The following ILDR1 variants were observed in gnomAD, a reference collection of about 807,000 sequenced individuals.
The protein encoded by ILDR1 is immunoglobulin like domain containing receptor 1, also known as immunoglobulin-like domain-containing receptor 1.
A neutral mutation model predicts 62.4 loss-of-function variants in ILDR1; 56 were observed. That is an observed-to-expected ratio of 0.90 (90% CI 0.72 to 1.12). The LOEUF (loss-of-function observed/expected upper bound fraction) is 1.12, where lower values mean the gene tolerates loss of function less well. ILDR1 is among the 50% of genes most tolerant of loss of function. The pLI is 0.00. For missense variants in ILDR1, 736 were observed against 710.6 expected (o/e 1.04, Z -0.41); for synonymous variants, 284 against 277.8 (o/e 1.02, Z -0.22).
chr3:122,033,635 G>A, the ILDR1 span, among the ~76,000 whole-genome samples: 1 of 151,754 alleles, frequency 6.6e-6, no homozygotes, highest in Non-Finnish European at 1.5e-5. Context: ...TGCCTCTTAC[G>A]TTTAGATCTA....
upstream of ILDR1, among the ~76,000 whole-genome samples, chr3:122,024,035 C>T (rs149686791): frequency 6.6e-6 from 1 of 151,890 alleles, no homozygotes; most frequent in Non-Finnish European, 1.5e-5. Flanking sequence ...ACCCCTCAGC[C>T]CCCGCTTTGG....
rs550958892 is a variant in ILDR1, at chr3:122,008,624, C to T, written c.59-1463G>A. 5.1e-5 allele frequency among the ~76,000 whole-genome samples: 7 copies of T among 136,562 alleles called. No individual in the cohort carries two copies. The East Asian group carries it at 8.5e-4, about 17-fold the overall frequency. 89.6% of individuals were successfully genotyped at this position (136,562 alleles called of 152,430 possible). On this transcript the variant is annotated intron_variant, in intron 1 of 7. Transcript: ENST00000344209. ...TTTTTTTTTTTTTGAGATAGAGTCT[C>T]GCTCTGTCACTCAGGCTGGAGTGCA...
At chr3:121,990,866 T>C (rs954641002) in intron 7 of ILDR1, among the ~76,000 whole-genome samples, 20 of 152,212 alleles carry the variant, frequency 1.3e-4, no homozygotes, top group African/African-American at 4.8e-4. Context: ...AGCATGCTAC[T>C]CAACCTCTCA....
chr3:122,029,605 G>A, the ILDR1 span, among the ~76,000 whole-genome samples: 1 of 151,174 alleles, frequency 6.6e-6, no homozygotes, highest in Non-Finnish European at 1.5e-5. Context: ...AGATGGATTA[G>A]CGGGTGCTTT....
intron 1 of ILDR1, 125 bp downstream of exon 1, chr3:122,021,895 C>A (rs1332980970): frequency 4.6e-6 from 4 of 875,592 alleles, no homozygotes; most frequent in African/African-American, 1.7e-5. Context: ...GGCGCCCATG[C>A]CAAGCGCCAC....
the ILDR1 span, among the ~76,000 whole-genome samples, chr3:122,028,054 G>T: frequency 7.0e-4 from 106 of 152,102 alleles, 1 homozygote; most frequent in Non-Finnish European, 1.1e-3. Flanking sequence ...CTGGCCGGGC[G>T]CGGTGGCTCA....
At chr3:122,044,664 G>A in the ILDR1 span, among the ~76,000 whole-genome samples, 1 of 151,218 alleles carries the variant, frequency 6.6e-6, no homozygotes, top group Non-Finnish European at 1.5e-5. Context: ...ATGTGTTGAG[G>A]AATTTATCCA....
At chr3:122,010,336 T>G (rs914901498) in intron 1 of ILDR1, among the ~76,000 whole-genome samples, 1 of 152,168 alleles carries the variant, frequency 6.6e-6, no homozygotes, top group East Asian at 1.9e-4. Context: ...TGAAGTCTTT[T>G]CTGAAGAACA....
chr3:122,003,109 T>TC (rs2071552721), intron 3 of ILDR1, among the ~76,000 whole-genome samples: 1 of 152,198 alleles, frequency 6.6e-6, no homozygotes, highest in African/African-American at 2.4e-5. Flanking sequence ...GTCAAAGGCA[T>TC]CAGGGCAGCC....
At position 121,993,596 on chromosome 3, in the gene ILDR1, GC is replaced by G. The variant is rs760136285; in HGVS notation, c.1152del (p.Pro385GlnfsTer24). On this transcript the variant is annotated frameshift_variant, in exon 7 of 8. Coordinates refer to ENST00000344209, the MANE Select transcript of ILDR1 (RefSeq NM_001199799.2). LOFTEE classifies it high-confidence loss of function. ...PDFHQELQDR[G>X]PKSWALERRE... is the part of the protein sequence containing the mutation. ...CTTCTTTCCAATGCCCAAGACTTTG[GC>G]CCCCGGTCCTGGAGCTCCTGGTGGA... is the stretch of plus-strand genomic sequence containing the variant. The G allele has an allele frequency of 1.9e-6, 3 of 1,614,078 alleles. No individual in the cohort carries two copies. Among genetic ancestry groups the G allele is most frequent in the South Asian group, 2.2e-5 (2 of 91,086 alleles).
At chr3:122,057,091 C>G in the ILDR1 span, among the ~76,000 whole-genome samples, 12 of 152,112 alleles carry the variant, frequency 7.9e-5, no homozygotes, top group Non-Finnish European at 1.5e-5. Context: ...TTTTAAAAAG[C>G]AAGCAATCAA....
the ILDR1 span, among the ~76,000 whole-genome samples, chr3:122,029,625 C>T: frequency 4.0e-5 from 6 of 151,154 alleles, no homozygotes; most frequent in South Asian, 8.3e-4. Flanking sequence ...TAGCTGAATC[C>T]TTAACATTTT....
At chr3:122,058,524 G>A in the ILDR1 span, among the ~76,000 whole-genome samples, 1 of 152,174 alleles carries the variant, frequency 6.6e-6, no homozygotes, top group African/African-American at 2.4e-5. Flanking sequence ...GGAGGTTAAT[G>A]TGGTTTAAAG....
chr3:122,028,241 C>G, the ILDR1 span, among the ~76,000 whole-genome samples: 11 of 149,014 alleles, frequency 7.4e-5, no homozygotes, highest in Non-Finnish European at 1.3e-4. Context: ...GAGGCTGAGG[C>G]AGGAGAATGG....
chr3:122,042,639 G>C, the ILDR1 span, among the ~76,000 whole-genome samples: 13 of 151,964 alleles, frequency 8.6e-5, no homozygotes, highest in African/African-American at 2.4e-4. Context: ...TCTCATTGTG[G>C]TTTTGATTTG....
At chr3:122,026,638 G>A (rs2071923683), upstream of ILDR1, among the ~76,000 whole-genome samples, 1 of 152,200 alleles carries the variant, frequency 6.6e-6, no homozygotes, top group Non-Finnish European at 1.5e-5. Context: ...TGTAGGAGCT[G>A]CATGCCTGTA....
At chr3:122,027,619 T>C in the ILDR1 span, among the ~76,000 whole-genome samples, 4 of 152,222 alleles carry the variant, frequency 2.6e-5, no homozygotes, top group African/African-American at 9.6e-5. Flanking sequence ...AATAAGAATC[T>C]GAAATTTTTT....
At chr3:122,052,130 T>C in the ILDR1 span, among the ~76,000 whole-genome samples, 1 of 152,186 alleles carries the variant, frequency 6.6e-6, no homozygotes, top group Non-Finnish European at 1.5e-5. Flanking sequence ...ACACATGTTC[T>C]ATTTTTCTCT....
chr3:121,997,769 G>A (rs2071459039), intron 5 of ILDR1, among the ~76,000 whole-genome samples: 1 of 152,178 alleles, frequency 6.6e-6, no homozygotes, highest in African/African-American at 2.4e-5. Context: ...GCCAGTAACT[G>A]CTCTAGGGAT....
Sources: allele counts gnomAD v4.1 joint callset (sites outside exome capture counted in the v4.1 genomes callset), GRCh38; gene constraint gnomAD v4.1.1; transcripts MANE v1.5; gene names NCBI Gene and HGNC (gene_info 2026-07-23, HGNC 2026-07-21).